Variants in PLCG2 observed in about 807,000 individuals in gnomAD.
PLCG2 encodes the protein phospholipase C gamma 2, also known as 1-phosphatidylinositol 4,5-bisphosphate phosphodiesterase gamma-2.
In PLCG2, 69 loss-of-function variants were observed where a neutral mutation model predicts 175.6. The ratio of observed to expected loss-of-function variants is 0.39; its 90% CI spans 0.32 to 0.48. The LOEUF (loss-of-function observed/expected upper bound fraction) is 0.48. PLCG2 is among the 20% of genes least tolerant of loss of function. The pLI is 0.91. For synonymous variants in PLCG2, 827 were observed against 624.0 expected (o/e 1.33, Z -4.85); for missense variants, 1,798 against 1,650.9 (o/e 1.09, Z -1.54).
At chr16:81,910,381 G>A in intron 17 of PLCG2, 139 bp from the exon 18 acceptor site, 1 of 739,558 alleles carries the variant, frequency 1.4e-6, no homozygotes, top group Non-Finnish European at 2.3e-6. Context: ...ATGAGCCACT[G>A]CGCCCAGCCT....
chr16:81,822,607 A>G (rs1475836457), intron 2 of PLCG2, among the ~76,000 whole-genome samples: 1 of 151,980 alleles, frequency 6.6e-6, no homozygotes, highest in African/African-American at 2.4e-5. Context: ...AAGTGCAAAA[A>G]TTAACTGGGC....
chr16:81,943,604 G>T (rs1397871988), intron 30 of PLCG2, among the ~76,000 whole-genome samples: 1 of 152,164 alleles, frequency 6.6e-6, no homozygotes, highest in East Asian at 1.9e-4. Flanking sequence ...GCTCATTAGA[G>T]ATGCAGAATC....
At chr16:81,840,376 G>T (rs568542956) in intron 2 of PLCG2, among the ~76,000 whole-genome samples, 2 of 152,154 alleles carry the variant, frequency 1.3e-5, no homozygotes, top group Non-Finnish European at 2.9e-5. Flanking sequence ...TTGGCCTGGG[G>T]GGATAGTGTG....
At chr16:81,916,589 T>TG (rs925327882) in intron 19 of PLCG2, among the ~76,000 whole-genome samples, 3 of 75,692 alleles carry the variant, frequency 4.0e-5, no homozygotes, top group South Asian at 1.3e-3. Flanking sequence ...CATTTTTTTT[T>TG]TGTGTGTGGT....
chr16:81,917,410 C>G (rs530748584), intron 19 of PLCG2, among the ~76,000 whole-genome samples: 2 of 151,922 alleles, frequency 1.3e-5, no homozygotes, highest in Non-Finnish European at 2.9e-5. Context: ...AGATATATAC[C>G]GAGAAGTGGG....
At chr16:81,773,556 G>C (rs1285979690) in intron 2 of PLCG2, among the ~76,000 whole-genome samples, 1 of 152,116 alleles carries the variant, frequency 6.6e-6, no homozygotes, top group African/African-American at 2.4e-5. Context: ...TATTGCTCTT[G>C]GCTTTCAACT....
chr16:81,741,726 G>A (rs1036107767), intron 1 of PLCG2, among the ~76,000 whole-genome samples: 7 of 152,034 alleles, frequency 4.6e-5, no homozygotes, highest in Non-Finnish European at 1.0e-4. Flanking sequence ...CAAGAGAATC[G>A]CTTGAACCCG....
intron 14 of PLCG2, among the ~76,000 whole-genome samples, chr16:81,901,905 A>T (rs1260773963): frequency 2.0e-5 from 3 of 152,186 alleles, no homozygotes; most frequent in Admixed American, 6.5e-5. Context: ...TTGTAATTTT[A>T]TGCATTATTA....
chr16:81,847,412 C>G (rs1597352289), intron 2 of PLCG2, among the ~76,000 whole-genome samples: 2 of 152,164 alleles, frequency 1.3e-5, no homozygotes, highest in East Asian at 3.9e-4. Flanking sequence ...TCTTTAGCCC[C>G]TCTCTCCTTC....
chr16:81,894,557 C>T (rs1908789790), intron 12 of PLCG2, among the ~76,000 whole-genome samples: 2 of 152,106 alleles, frequency 1.3e-5, no homozygotes, highest in African/African-American at 4.8e-5. Context: ...ACCAAAGGCT[C>T]ATGGGTGCAT....
chr16:81,864,030 G>A (rs557234001), intron 5 of PLCG2, among the ~76,000 whole-genome samples: 19 of 152,312 alleles, frequency 1.2e-4, no homozygotes, highest in Admixed American at 5.2e-4. Flanking sequence ...GGCCTCTGGC[G>A]TTGCAAATTT....
intron 2 of PLCG2, among the ~76,000 whole-genome samples, chr16:81,816,098 C>A (rs570364001): frequency 6.7e-6 from 1 of 149,692 alleles, no homozygotes; most frequent in South Asian, 2.1e-4. Context: ...CGGACAGGCA[C>A]GATGGCTTAT....
intron 2 of PLCG2, among the ~76,000 whole-genome samples, chr16:81,758,176 C>T (rs142564205): frequency 6.7e-4 from 102 of 152,172 alleles, no homozygotes; most frequent in African/African-American, 2.3e-3. Context: ...TGGGGTTTCG[C>T]GGTGTTCCTC....
intron 2 of PLCG2, among the ~76,000 whole-genome samples, chr16:81,828,827 A>C (rs8056796): frequency 0.54 from 81,622 of 151,968 alleles, 23,022 homozygotes; most frequent in African/African-American, 0.72. Flanking sequence ...ATGTGAATTT[A>C]TTTCCCCTTA....
At chr16:81,936,843 C>T (rs62044947) in intron 27 of PLCG2, among the ~76,000 whole-genome samples, 28,520 of 152,070 alleles carry the variant, frequency 0.19, 3,422 homozygotes, top group East Asian at 0.36. Context: ...AGACCTCTTT[C>T]GAGGGATCTA....
chr16:81,805,972 A>G (rs763714289), intron 2 of PLCG2, among the ~76,000 whole-genome samples: 51 of 151,862 alleles, frequency 3.4e-4, no homozygotes, highest in South Asian at 6.2e-4. Context: ...TAGTTGCCAC[A>G]TTCATAAAGG....
At chr16:81,781,061 A>T (rs1406130678) in intron 1 of PLCG2, among the ~76,000 whole-genome samples, 1 of 151,806 alleles carries the variant, frequency 6.6e-6, no homozygotes, top group Non-Finnish European at 1.5e-5. Flanking sequence ...ACACACAAAC[A>T]CTTCTTAATT....
chr16:81,783,394 G>A (rs1383183658), intron 1 of PLCG2, among the ~76,000 whole-genome samples: 1 of 152,198 alleles, frequency 6.6e-6, no homozygotes, highest in African/African-American at 2.4e-5. Context: ...CCATGTTGGT[G>A]TGCTGCACCC....
intron 13 of PLCG2, 104 bp from the exon 14 acceptor site, chr16:81,900,508 C>T (rs762630266): frequency 2.8e-5 from 29 of 1,021,098 alleles, no homozygotes; most frequent in Non-Finnish European, 3.6e-5. Flanking sequence ...CCCCGAGCAG[C>T]GCCCGGTTTC....
Sources: gnomAD v4.1 joint callset for allele counts (sites outside exome capture counted in the v4.1 genomes callset) on GRCh38, gnomAD v4.1.1 for gene constraint, MANE v1.5 for transcripts, NCBI Gene and HGNC (gene_info 2026-07-23, HGNC 2026-07-21) for gene names.